CHST9: variants seen among roughly 807,000 people sequenced by gnomAD.
The protein encoded by CHST9 is carbohydrate sulfotransferase 9, also known as GalNAc-4-sulfotransferase 2.
A neutral mutation model predicts 44.4 loss-of-function variants in CHST9; 41 were observed. That is an observed-to-expected ratio of 0.92 (90% CI 0.72 to 1.20). CHST9 has a LOEUF of 1.20. Ranked by LOEUF, CHST9 falls within the 50% of genes most tolerant of loss-of-function variation. The pLI is 0.00. For missense variants in CHST9, 504 were observed against 516.5 expected, an observed-to-expected ratio of 0.98 and a Z score of 0.23; for synonymous variants, 171 against 178.4, an observed-to-expected ratio of 0.96 and a Z score of 0.33.
intron 4 of CHST9, among the ~76,000 whole-genome samples, chr18:26,986,577 G>A (rs2145200455): frequency 1.3e-5 from 2 of 152,224 alleles, no homozygotes; most frequent in South Asian, 4.1e-4. Flanking sequence ...GATCTAGGAA[G>A]CTCAAGAAAC....
intron 4 of CHST9, among the ~76,000 whole-genome samples, chr18:26,990,859 T>G (rs1017345221): frequency 3.9e-5 from 6 of 152,236 alleles, no homozygotes; most frequent in African/African-American, 1.4e-4. Flanking sequence ...TCTTTTATTC[T>G]TCCCTTCCCT....
chr18:27,001,268 C>T (rs529112004), intron 4 of CHST9, among the ~76,000 whole-genome samples: 2 of 152,228 alleles, frequency 1.3e-5, no homozygotes, highest in Admixed American at 6.5e-5. Context: ...TAGGACTGGA[C>T]ATTAAACTTG....
intron 1 of CHST9, among the ~76,000 whole-genome samples, chr18:27,153,958 G>A (rs2058679291): frequency 6.6e-6 from 1 of 152,122 alleles, no homozygotes; most frequent in African/African-American, 2.4e-5. Flanking sequence ...CTGCCTTGAT[G>A]GAAGCCAGTC....
At chr18:26,941,292 G>A (rs534444957) in intron 5 of CHST9, among the ~76,000 whole-genome samples, 52 of 152,232 alleles carry the variant, frequency 3.4e-4, no homozygotes, top group African/African-American at 1.1e-3. Context: ...CTCATATTCG[G>A]TGTTCCTCTT....
At chr18:27,012,861 C>T (rs1041346780) in intron 4 of CHST9, among the ~76,000 whole-genome samples, 1 of 152,134 alleles carries the variant, frequency 6.6e-6, no homozygotes, top group Non-Finnish European at 1.5e-5. Flanking sequence ...TAGCTAGTGG[C>T]CATCTGTCAA....
chr18:26,989,750 G>A (rs549486913), intron 4 of CHST9, among the ~76,000 whole-genome samples: 4 of 152,264 alleles, frequency 2.6e-5, no homozygotes, highest in African/African-American at 9.6e-5. Context: ...AGGAGTTTGA[G>A]ACCAGTCTGG....
At chr18:26,939,511 G>A (rs1407213760) in intron 5 of CHST9, among the ~76,000 whole-genome samples, 1 of 152,212 alleles carries the variant, frequency 6.6e-6, no homozygotes, top group Non-Finnish European at 1.5e-5. Flanking sequence ...GCAAATGTCT[G>A]AGCAGGATCA....
At chr18:27,045,781 T>G (rs1399162672) in intron 3 of CHST9, among the ~76,000 whole-genome samples, 1 of 152,002 alleles carries the variant, frequency 6.6e-6, no homozygotes, top group Non-Finnish European at 1.5e-5. Flanking sequence ...TTCTGGCTTA[T>G]GAAAAATAGC....
chr18:27,153,699 C>G (rs749371937), intron 1 of CHST9, among the ~76,000 whole-genome samples: 5 of 152,040 alleles, frequency 3.3e-5, no homozygotes, highest in Non-Finnish European at 7.4e-5. Flanking sequence ...ATTACATCAG[C>G]AAAGACTCTT....
intron 4 of CHST9, among the ~76,000 whole-genome samples, chr18:27,020,456 G>A (rs1383416356): frequency 6.6e-6 from 1 of 152,188 alleles, no homozygotes; most frequent in East Asian, 1.9e-4. Context: ...AAATACTCTC[G>A]GTCTCTCAAC....
At chr18:27,084,100 CTT>C (rs558859375) in intron 2 of CHST9, among the ~76,000 whole-genome samples, 5 of 142,738 alleles carry the variant, frequency 3.5e-5, no homozygotes, top group African/African-American at 7.7e-5. Context: ...CCCAAAGTTG[CTT>C]TTTTTTTTTT....
At position 26,916,925 on chromosome 18, in the gene CHST9, A is replaced by T; in HGVS notation, c.666T>A (p.Ala222=). Residue 222 remains alanine, a synonymous_variant, in exon 6 of 6, where the codon GCT becomes GCA. Transcript: ENST00000618847. ...HKILYCEVPK[A]GCSNWKRILM... is the part of the protein sequence containing the mutation. ...GAATTCTTTTCCAATTGGAACAGCC[A>T]GCCTTAGGTACCTCACAATATAAGA... The T allele has an allele frequency of 1.2e-6, 2 of 1,613,858 alleles. No individual in the cohort carries two copies. Among genetic ancestry groups the T allele is most frequent in the Non-Finnish European group, 1.7e-6 (2 of 1,179,830 alleles).
chr18:27,092,181 T>A (rs2058075537), intron 2 of CHST9, among the ~76,000 whole-genome samples: 1 of 152,214 alleles, frequency 6.6e-6, no homozygotes, highest in South Asian at 2.1e-4. Flanking sequence ...GGAGGGTGTA[T>A]GTGTCCAGGA....
intron 2 of CHST9, among the ~76,000 whole-genome samples, chr18:27,110,185 T>A (rs1414610056): frequency 1.3e-5 from 2 of 152,124 alleles, no homozygotes; most frequent in Non-Finnish European, 2.9e-5. Context: ...AAAAAAGGTT[T>A]GTTTTGCCAA....
intron 4 of CHST9, among the ~76,000 whole-genome samples, chr18:26,949,830 G>A (rs78195207): frequency 0.028 from 4,245 of 152,292 alleles, 99 homozygotes; most frequent in Non-Finnish European, 0.037. Flanking sequence ...AGAGTTTACA[G>A]CAGAGAGAAG....
chr18:26,988,349 A>G (rs908362565), intron 4 of CHST9, among the ~76,000 whole-genome samples: 3 of 152,220 alleles, frequency 2.0e-5, no homozygotes, highest in East Asian at 1.9e-4. Context: ...TAAAAGTTTG[A>G]AAAAAGATAT....
intron 5 of CHST9, chr18:26,935,491 A>T (rs536013470): frequency 6.6e-6 from 1 of 152,332 alleles, no homozygotes; most frequent in Admixed American, 6.5e-5. Flanking sequence ...ATTATGCCTA[A>T]TAAAATCTAT....
intron 4 of CHST9, among the ~76,000 whole-genome samples, chr18:27,021,816 AT>A (rs1408691647): frequency 2.0e-5 from 3 of 151,984 alleles, no homozygotes; most frequent in Non-Finnish European, 4.4e-5. Context: ...ATTTTATTTG[AT>A]TTTTTAGAGA....
chr18:27,057,436 G>A (rs1948691469), intron 2 of CHST9, among the ~76,000 whole-genome samples: 1 of 152,202 alleles, frequency 6.6e-6, no homozygotes, highest in Non-Finnish European at 1.5e-5. Flanking sequence ...CTGGATTCAT[G>A]CTGCTGATTA....
Sources: allele counts gnomAD v4.1 joint callset (sites outside exome capture counted in the v4.1 genomes callset), GRCh38; gene constraint gnomAD v4.1.1; transcripts MANE v1.5; gene names NCBI Gene and HGNC (gene_info 2026-07-23, HGNC 2026-07-21).